The following ADGRL2 variants were observed in gnomAD, a reference collection of about 807,000 sequenced individuals.
ADGRL2 encodes the protein calcium-independent alpha-latrotoxin receptor 2.
In ADGRL2, 44 loss-of-function variants were observed where a neutral mutation model predicts 157.4. The ratio of observed to expected loss-of-function variants is 0.28; its 90% CI spans 0.22 to 0.36. ADGRL2 has a LOEUF of 0.36. Ranked by LOEUF, ADGRL2 falls within the 10% of genes least tolerant of loss-of-function variation. ADGRL2 has a pLI of 1.00. For synonymous variants in ADGRL2, 585 were observed against 624.7 expected (o/e 0.94, Z 0.95); for missense variants, 1,510 against 1,768.9 (o/e 0.85, Z 2.63).
chr1:81,340,793 T>C (rs1662014309), intron 1 of ADGRL2, among the ~76,000 whole-genome samples: 1 of 152,102 alleles, frequency 6.6e-6, no homozygotes, highest in Admixed American at 6.5e-5. Flanking sequence ...TGAGTTAGTC[T>C]ATACAGAACT....
chr1:81,431,250 A>G (rs541622173), intron 1 of ADGRL2, among the ~76,000 whole-genome samples: 70 of 152,172 alleles, frequency 4.6e-4, no homozygotes, highest in Middle Eastern at 3.4e-3. Context: ...TTTTTCTTTA[A>G]GAGAAAAGGA....
intron 3 of ADGRL2, chr1:81,596,229 C>A: frequency 1.7e-6 from 1 of 578,118 alleles, no homozygotes; most frequent in Non-Finnish European, 3.3e-6. Flanking sequence ...CTCAAAAGGA[C>A]TGTGCAAGTC....
At chr1:81,893,708 T>C (rs577222766) in intron 2 of ADGRL2, among the ~76,000 whole-genome samples, 50 of 152,312 alleles carry the variant, frequency 3.3e-4, no homozygotes, top group Non-Finnish European at 5.9e-4. Context: ...AGCTTGCAGT[T>C]AAATACAAGA....
At chr1:81,380,269 C>T (rs1271257579) in intron 1 of ADGRL2, among the ~76,000 whole-genome samples, 1 of 152,130 alleles carries the variant, frequency 6.6e-6, no homozygotes. Context: ...ATGTCCTGTG[C>T]CTATCACTTT....
intron 1 of ADGRL2, among the ~76,000 whole-genome samples, chr1:81,721,054 TAGAGCCGGGG>T: frequency 6.8e-6 from 1 of 147,098 alleles, no homozygotes; most frequent in African/African-American, 2.5e-5. Flanking sequence ...TTTTTTTTAA[TAGAGCCGGGG>T]TCTTGCTATG....
intron 1 of ADGRL2, among the ~76,000 whole-genome samples, chr1:81,828,320 T>A (rs1341786956): frequency 6.6e-6 from 1 of 152,248 alleles, no homozygotes; most frequent in East Asian, 1.9e-4. Context: ...ATGTTGGTTC[T>A]AATCCTTACA....
intron 1 of ADGRL2, among the ~76,000 whole-genome samples, chr1:81,366,330 T>C (rs1405392717): frequency 6.6e-6 from 1 of 151,634 alleles, no homozygotes; most frequent in Non-Finnish European, 1.5e-5. Flanking sequence ...TAGTGAGATA[T>C]GTTCTTTTAA....
chr1:81,761,818 A>C (rs2085891425), exon 2 of ADGRL2: 1 of 152,040 alleles, frequency 6.6e-6, no homozygotes, highest in Non-Finnish European at 1.5e-5. Context: ...CAGGGTATTT[A>C]TGGCACAATG....
rs772825164 is a variant in ADGRL2, at chr1:81,401,184, G to A, written c.-301-43852G>A. The stretch of plus-strand genomic sequence containing the variant: ...GTGGTGGCCAACATACTTGCTCTGG[G>A]TGGCCATAGTATTGTTTCTCCAGGA... On this transcript the variant is annotated intron_variant, in intron 1 of 24. Coordinates refer to the ADGRL2 transcript ENST00000370721. Among the ~76,000 whole-genome samples the A allele has an allele frequency of 7.9e-4, 120 of 152,148 alleles. 1 individual carries two copies. Among genetic ancestry groups the A allele is most frequent in the Admixed American group, 3.9e-4 (6 of 15,276 alleles).
intron 1 of ADGRL2, among the ~76,000 whole-genome samples, chr1:81,345,697 T>C (rs1221410660): frequency 6.6e-6 from 1 of 152,024 alleles, no homozygotes; most frequent in Admixed American, 6.6e-5. Flanking sequence ...CAGAATTATT[T>C]TGTGAAAGAA....
chr1:81,780,024 G>A (rs17107180), intron 2 of ADGRL2, among the ~76,000 whole-genome samples: 2 of 152,010 alleles, frequency 1.3e-5, no homozygotes, highest in East Asian at 1.9e-4. Context: ...GAAAAGCATC[G>A]TATCTTTCCT....
chr1:81,984,095 G>A (rs1416639026), intron 19 of ADGRL2, among the ~76,000 whole-genome samples: 7 of 151,874 alleles, frequency 4.6e-5, no homozygotes, highest in East Asian at 1.9e-4. Flanking sequence ...GAGGTTACCC[G>A]CAGAACTATG....
rs74095904 is a variant in ADGRL2 at position 81,765,966 on chromosome 1, A to G, written c.-101+4114A>G. ...CAGGTTGATTACTTTTAAGATGTGAAAAAAGCAAAGATAAAAACAGTCCTC... is the reference window on the plus strand; with the variant it reads ...CAGGTTGATTACTTTTAAGATGTGAGAAAAGCAAAGATAAAAACAGTCCTC... On this transcript the variant is annotated intron_variant, in intron 2 of 20. Transcript: ENST00000359929. 9.4e-3 allele frequency among the ~76,000 whole-genome samples: 1,432 copies of G among 152,238 alleles called. 29 individuals are homozygous for G. Among genetic ancestry groups the G allele is most frequent in the African/African-American group, 0.032 (1,328 of 41,572 alleles).
intron 1 of ADGRL2, among the ~76,000 whole-genome samples, chr1:81,434,491 G>T (rs1257446918): frequency 6.6e-6 from 1 of 152,056 alleles, no homozygotes; most frequent in Non-Finnish European, 1.5e-5. Flanking sequence ...GCCTAGAAGA[G>T]TGTCTGGTGC....
intron 2 of ADGRL2, among the ~76,000 whole-genome samples, chr1:81,774,760 T>A (rs1230847674): frequency 2.0e-5 from 3 of 152,114 alleles, no homozygotes; most frequent in Non-Finnish European, 4.4e-5. Flanking sequence ...TTCTTTTACA[T>A]TGATTACATA....
chr1:81,319,819 G>A (rs952662035), intron 1 of ADGRL2, among the ~76,000 whole-genome samples: 2 of 152,180 alleles, frequency 1.3e-5, no homozygotes, highest in South Asian at 2.1e-4. Context: ...CTGGTGCAGG[G>A]TCTTGCCTCG....
intron 2 of ADGRL2, among the ~76,000 whole-genome samples, chr1:81,477,163 T>C (rs2078289631): frequency 1.3e-5 from 2 of 152,214 alleles, no homozygotes; most frequent in African/African-American, 4.8e-5. Flanking sequence ...ACATGTGTCA[T>C]ATCACATAAT....
intron 3 of ADGRL2, among the ~76,000 whole-genome samples, chr1:81,635,705 A>C (rs1273996176): frequency 6.6e-6 from 1 of 152,110 alleles, no homozygotes; most frequent in Non-Finnish European, 1.5e-5. Context: ...ATCACCTCCC[A>C]AAAGGCCCCA....
chr1:81,461,163 G>A (rs1006553172), intron 2 of ADGRL2, among the ~76,000 whole-genome samples: 1 of 152,058 alleles, frequency 6.6e-6, no homozygotes, highest in African/African-American at 2.4e-5. Flanking sequence ...GTCCTTTGGC[G>A]ATATTTCTAA....
Sources: allele counts gnomAD v4.1 joint callset (sites outside exome capture counted in the v4.1 genomes callset), GRCh38; gene constraint gnomAD v4.1.1; transcripts MANE v1.5; gene names NCBI Gene and HGNC (gene_info 2026-07-23, HGNC 2026-07-21).